The following GPC6 variants were observed in gnomAD, a reference collection of about 807,000 sequenced individuals.
GPC6 encodes glypican-6.
Under a neutral mutation model 55.2 loss-of-function variants are expected in GPC6, and 14 were observed. The ratio of observed to expected loss-of-function variants is 0.25; its 90% confidence interval spans 0.17 to 0.40. The LOEUF is 0.40. GPC6 is among the 10% of genes least tolerant of loss of function. The pLI is 1.00. For synonymous variants in GPC6, 278 were observed against 259.6 expected, an observed-to-expected ratio of 1.07 and a Z score of -0.68; for missense variants, 641 against 708.5, an observed-to-expected ratio of 0.90 and a Z score of 1.08.
intron 2 of GPC6, among the ~76,000 whole-genome samples, chr13:93,805,391 T>C (rs996931316): frequency 6.6e-6 from 1 of 152,178 alleles, no homozygotes; most frequent in African/African-American, 2.4e-5. Flanking sequence ...AAATTAATCA[T>C]GATGGGTGGA....
intron 2 of GPC6, among the ~76,000 whole-genome samples, chr13:93,563,176 C>T (rs536174227): frequency 2.0e-4 from 31 of 151,918 alleles, no homozygotes; most frequent in South Asian, 4.2e-4. Context: ...ATTCTCACTT[C>T]GACAATATTG....
At chr13:93,561,011 C>T (rs1875756244) in intron 2 of GPC6, among the ~76,000 whole-genome samples, 1 of 152,146 alleles carries the variant, frequency 6.6e-6, no homozygotes, top group Admixed American at 6.5e-5. Flanking sequence ...ACCTTAACCT[C>T]ACATGTGACG....
intron 4 of GPC6, among the ~76,000 whole-genome samples, chr13:94,051,763 T>C (rs1434513718): frequency 6.6e-6 from 1 of 152,086 alleles, no homozygotes; most frequent in African/African-American, 2.4e-5. Flanking sequence ...TTCAAGGAGA[T>C]TTTTGTCTTA....
chr13:93,543,465 G>T (rs1015466223), intron 1 of GPC6, among the ~76,000 whole-genome samples: 1 of 151,946 alleles, frequency 6.6e-6, no homozygotes, highest in African/African-American at 2.4e-5. Flanking sequence ...TGTTCATCAA[G>T]GATATTGGTC....
chr13:93,316,629 A>G (rs1879258740), intron 1 of GPC6, among the ~76,000 whole-genome samples: 4 of 152,140 alleles, frequency 2.6e-5, no homozygotes, highest in African/African-American at 7.2e-5. Flanking sequence ...CAATCACTAA[A>G]TAATAGTTAA....
chr13:93,509,426 C>T (rs1386427790), intron 1 of GPC6, among the ~76,000 whole-genome samples: 1 of 152,196 alleles, frequency 6.6e-6, no homozygotes, highest in Non-Finnish European at 1.5e-5. Flanking sequence ...TCATTTGTTG[C>T]TGCTCTTCTT....
intron 1 of GPC6, among the ~76,000 whole-genome samples, chr13:93,458,755 A>G (rs948872014): frequency 3.9e-5 from 6 of 152,180 alleles, no homozygotes; most frequent in African/African-American, 7.2e-5. Context: ...TCTTTGGACA[A>G]CATACTATTT....
chr13:93,736,410 C>G (rs1884003548), intron 2 of GPC6, among the ~76,000 whole-genome samples: 1 of 152,074 alleles, frequency 6.6e-6, no homozygotes, highest in South Asian at 2.1e-4. Flanking sequence ...TAATATGTTC[C>G]AATATAATTT....
At position 94,148,244 on chromosome 13, in the gene GPC6, A is replaced by T. The variant is rs181498145; in HGVS notation, c.877+120350A>T. Among the ~76,000 whole-genome samples, 82 of 152,264 alleles carry T rather than the reference A, an allele frequency of 5.4e-4. 3 individuals carry two copies. Among genetic ancestry groups the T allele is most frequent in the African/African-American group, 1.8e-3 (73 of 41,552 alleles). On this transcript the variant is annotated intron_variant, in intron 4 of 8. Transcript: ENST00000377047. ...AGTATCGAGCCTTCTAATAGCAGTT[A>T]TTTTTATTGAAGTATTAAAGCAATT...
intron 1 of GPC6, among the ~76,000 whole-genome samples, chr13:93,483,660 T>C (rs9524084): frequency 6.6e-6 from 1 of 151,952 alleles, no homozygotes; most frequent in Non-Finnish European, 1.5e-5. Context: ...TAGTGTAATT[T>C]AGTAATAAAA....
intron 3 of GPC6, among the ~76,000 whole-genome samples, chr13:93,954,173 C>G (rs895435746): frequency 3.3e-5 from 5 of 152,158 alleles, no homozygotes; most frequent in Non-Finnish European, 5.9e-5. Flanking sequence ...CCTATTTTAT[C>G]TGGCTTCTTT....
chr13:93,914,477 T>G (rs1425412418), intron 3 of GPC6, among the ~76,000 whole-genome samples: 1 of 152,226 alleles, frequency 6.6e-6, no homozygotes, highest in Non-Finnish European at 1.5e-5. Context: ...ACGGCATTGC[T>G]CTTTTAACTA....
intron 6 of GPC6, among the ~76,000 whole-genome samples, chr13:94,314,678 T>A (rs546123674): frequency 6.6e-6 from 1 of 152,380 alleles, no homozygotes; most frequent in South Asian, 2.1e-4. Context: ...ATGGAAAATC[T>A]GCGACAATAT....
chr13:93,424,135 T>C (rs1594159766), intron 1 of GPC6, among the ~76,000 whole-genome samples: 1 of 152,288 alleles, frequency 6.6e-6, no homozygotes, highest in Non-Finnish European at 1.5e-5. Context: ...GCAGGAAGTT[T>C]ATCTCAAGAG....
At chr13:93,499,683 A>G (rs1043911450) in intron 1 of GPC6, among the ~76,000 whole-genome samples, 7 of 152,216 alleles carry the variant, frequency 4.6e-5, no homozygotes, top group African/African-American at 1.7e-4. Flanking sequence ...TGCTGAGTGG[A>G]CGACATGCTG....
intron 2 of GPC6, among the ~76,000 whole-genome samples, chr13:93,594,838 C>A (rs1430872717): frequency 6.6e-6 from 1 of 151,188 alleles, no homozygotes; most frequent in African/African-American, 2.4e-5. Flanking sequence ...CAAACTAGAT[C>A]CCTTGGGCCT....
intron 1 of GPC6, among the ~76,000 whole-genome samples, chr13:93,244,158 G>T (rs1402442704): frequency 6.6e-6 from 1 of 152,166 alleles, no homozygotes; most frequent in East Asian, 1.9e-4. Context: ...CACTTTCGCT[G>T]CATAAAAGAG....
intron 2 of GPC6, among the ~76,000 whole-genome samples, chr13:93,548,429 C>A (rs1444511005): frequency 1.3e-5 from 2 of 152,266 alleles, no homozygotes; most frequent in Non-Finnish European, 2.9e-5. Flanking sequence ...TGAAGTCAAT[C>A]ACTGGTAATG....
At chr13:93,634,667 G>A (rs1252738310) in intron 2 of GPC6, among the ~76,000 whole-genome samples, 1 of 152,040 alleles carries the variant, frequency 6.6e-6, no homozygotes, top group African/African-American at 2.4e-5. Flanking sequence ...CATCACATTT[G>A]AGTTTCTAGA....
Sources: gnomAD v4.1 joint callset for allele counts (sites outside exome capture counted in the v4.1 genomes callset) on GRCh38, gnomAD v4.1.1 for gene constraint, MANE v1.5 for transcripts, NCBI Gene and HGNC (gene_info 2026-07-23, HGNC 2026-07-21) for gene names.